Variants in PTPRD observed in about 807,000 individuals in gnomAD.
The protein encoded by PTPRD is protein tyrosine phosphatase receptor type D.
A neutral mutation model predicts 214.5 loss-of-function variants in PTPRD; 34 were observed. The ratio of observed to expected loss-of-function variants is 0.16; its 90% CI spans 0.12 to 0.21. The LOEUF is 0.21. Among genes scored for constraint, PTPRD ranks in the 10% least tolerant of loss-of-function variants. The pLI is 1.00. For missense variants in PTPRD, 2,545 were observed against 2,398.7 expected (o/e 1.06, Z -1.27); for synonymous variants, 1,128 against 845.7 (o/e 1.33, Z -5.79).
intron 4 of PTPRD, among the ~76,000 whole-genome samples, chr9:9,974,354 T>C (rs1333443373): frequency 6.6e-6 from 1 of 152,166 alleles, no homozygotes; most frequent in African/African-American, 2.4e-5. Flanking sequence ...GCACCAAGCC[T>C]TTCTCCTTTG....
intron 3 of PTPRD, among the ~76,000 whole-genome samples, chr9:10,326,257 C>T (rs1034563137): frequency 6.0e-5 from 9 of 151,086 alleles, no homozygotes; most frequent in African/African-American, 1.5e-4. Context: ...AGGTAAAATG[C>T]TAATGTCCAA....
At chr9:8,753,089 T>G (rs1240910702) in intron 11 of PTPRD, among the ~76,000 whole-genome samples, 1 of 152,226 alleles carries the variant, frequency 6.6e-6, no homozygotes, top group African/African-American at 2.4e-5. Context: ...AACCAACTAA[T>G]AAAATCACTA....
At chr9:8,971,819 A>G (rs538322236) in intron 11 of PTPRD, among the ~76,000 whole-genome samples, 8 of 151,748 alleles carry the variant, frequency 5.3e-5, no homozygotes, top group Admixed American at 2.0e-4. Context: ...TATTATTCTC[A>G]TTTTATAAAT....
intron 9 of PTPRD, among the ~76,000 whole-genome samples, chr9:9,285,471 A>G (rs1293285918): frequency 1.3e-5 from 2 of 151,782 alleles, no homozygotes; most frequent in Non-Finnish European, 2.9e-5. Context: ...TGGAGGAATA[A>G]TCACTTGATG....
At chr9:10,091,675 G>C (rs2098433328) in intron 3 of PTPRD, among the ~76,000 whole-genome samples, 1 of 151,238 alleles carries the variant, frequency 6.6e-6, no homozygotes, top group Non-Finnish European at 1.5e-5. Flanking sequence ...ATCTTGATTT[G>C]GACATTTTCT....
At chr9:9,558,409 C>T (rs2082059769) in intron 8 of PTPRD, among the ~76,000 whole-genome samples, 1 of 152,148 alleles carries the variant, frequency 6.6e-6, no homozygotes, top group African/African-American at 2.4e-5. Context: ...CCTTACACTC[C>T]ACCCCTTTGG....
intron 2 of PTPRD, among the ~76,000 whole-genome samples, chr9:10,593,821 ATGTC>A (rs2076051979): frequency 6.6e-6 from 1 of 152,014 alleles, no homozygotes; most frequent in Non-Finnish European, 1.5e-5. Context: ...CTTGAAAAAA[ATGTC>A]TTTTTTTCTT....
At chr9:8,920,320 G>A (rs1040743850) in intron 11 of PTPRD, among the ~76,000 whole-genome samples, 1 of 151,804 alleles carries the variant, frequency 6.6e-6, no homozygotes, top group African/African-American at 2.4e-5. Context: ...CAGCCTGGGT[G>A]ACAGAGTGAG....
Position 10,503,514 on chromosome 9 carries a change from G to A in PTPRD, c.-600+108884C>T, listed in dbSNP as rs530804687. On this transcript the variant is annotated intron_variant, in intron 2 of 45. Transcript: ENST00000381196. ...ATTTAAAATGTTTAATTGGAGAAGA[G>A]AGGGGCAGGATATATAGAAAAAGAT... 9.6e-4 allele frequency among the ~76,000 whole-genome samples: 146 copies of A among 152,112 alleles called. 2 individuals are homozygous for A. Among genetic ancestry groups the A allele is most frequent in the South Asian group, 3.1e-3 (15 of 4,820 alleles).
intron 5 of PTPRD, among the ~76,000 whole-genome samples, chr9:9,795,130 G>C (rs1273483174): frequency 6.6e-6 from 1 of 152,190 alleles, no homozygotes; most frequent in African/African-American, 2.4e-5. Flanking sequence ...ACTATGTATA[G>C]TTAAGGCTCC....
At chr9:8,955,105 T>A (rs2099124143) in intron 11 of PTPRD, among the ~76,000 whole-genome samples, 1 of 151,860 alleles carries the variant, frequency 6.6e-6, no homozygotes, top group Non-Finnish European at 1.5e-5. Flanking sequence ...CATTATTTGG[T>A]CTGGAAGAGA....
intron 10 of PTPRD, among the ~76,000 whole-genome samples, chr9:9,025,630 G>GC (rs2099584443): frequency 2.6e-5 from 4 of 151,878 alleles, no homozygotes; most frequent in African/African-American, 9.7e-5. Context: ...TTTATAATCT[G>GC]TTCACTATCT....
chr9:8,675,216 T>A (rs949323332), intron 12 of PTPRD, among the ~76,000 whole-genome samples: 1 of 152,160 alleles, frequency 6.6e-6, no homozygotes, highest in Admixed American at 6.5e-5. Context: ...TTCTCCCCTA[T>A]GTGTCTTTGA....
At chr9:9,962,910 T>A (rs1224950214) in intron 4 of PTPRD, among the ~76,000 whole-genome samples, 1 of 152,074 alleles carries the variant, frequency 6.6e-6, no homozygotes, top group Non-Finnish European at 1.5e-5. Flanking sequence ...TGAGAATGAA[T>A]AAACTTACGT....
chr9:10,477,221 G>C (rs994226725), intron 2 of PTPRD, among the ~76,000 whole-genome samples: 11 of 152,084 alleles, frequency 7.2e-5, no homozygotes, highest in African/African-American at 2.7e-4. Flanking sequence ...TAAAATTTTT[G>C]CAGTTTATCC....
At chr9:9,341,124 G>GTATATA (rs58244188) in intron 9 of PTPRD, among the ~76,000 whole-genome samples, 10 of 150,316 alleles carry the variant, frequency 6.7e-5, no homozygotes, top group Non-Finnish European at 1.0e-4. Flanking sequence ...ATATTTATGT[G>GTATATA]TATATATATA....
chr9:9,989,327 A>T (rs987477296), intron 4 of PTPRD, among the ~76,000 whole-genome samples: 1 of 152,038 alleles, frequency 6.6e-6, no homozygotes, highest in African/African-American at 2.4e-5. Flanking sequence ...AAACCACCCT[A>T]GCCTTCTCTG....
At chr9:9,321,065 T>G (rs1179566732) in intron 9 of PTPRD, among the ~76,000 whole-genome samples, 1 of 152,218 alleles carries the variant, frequency 6.6e-6, no homozygotes, top group Non-Finnish European at 1.5e-5. Context: ...GATTTAATGA[T>G]AATTTGTGAG....
At chr9:8,954,672 T>C (rs1171640799) in intron 11 of PTPRD, among the ~76,000 whole-genome samples, 1 of 151,818 alleles carries the variant, frequency 6.6e-6, no homozygotes, top group African/African-American at 2.4e-5. Flanking sequence ...AACCAACATA[T>C]TAGTTTGTAT....
Sources: gnomAD v4.1 joint callset for allele counts (sites outside exome capture counted in the v4.1 genomes callset) on GRCh38, gnomAD v4.1.1 for gene constraint, MANE v1.5 for transcripts, NCBI Gene and HGNC (gene_info 2026-07-23, HGNC 2026-07-21) for gene names.